RGS6: variants seen among roughly 807,000 people sequenced by gnomAD.
The protein encoded by RGS6 is regulator of G protein signaling 6.
A neutral mutation model predicts 78.5 loss-of-function variants in RGS6; 30 were observed. The observed-to-expected ratio is 0.38, with a 90% CI of 0.29 to 0.52. The LOEUF (loss-of-function observed/expected upper bound fraction) is 0.52. RGS6 is among the 20% of genes least tolerant of loss of function. RGS6 has a pLI of 0.85. For synonymous variants in RGS6, 206 were observed against 206.0 expected (o/e 1.00, Z 0.00); for missense variants, 495 against 609.7 (o/e 0.81, Z 1.98).
At chr14:71,868,896 T>C in the RGS6 span, among the ~76,000 whole-genome samples, 5 of 152,194 alleles carry the variant, frequency 3.3e-5, no homozygotes, top group Admixed American at 1.3e-4. Flanking sequence ...TGGAAGTTCA[T>C]GCCCTGTGAG....
At chr14:72,299,332 C>A (rs2065567134) in intron 2 of RGS6, among the ~76,000 whole-genome samples, 1 of 152,206 alleles carries the variant, frequency 6.6e-6, no homozygotes, top group Non-Finnish European at 1.5e-5. Context: ...GTAGATTTGC[C>A]TATTCCAGAC....
chr14:72,623,912 A>G, the RGS6 span, among the ~76,000 whole-genome samples: 2 of 152,166 alleles, frequency 1.3e-5, no homozygotes, highest in African/African-American at 4.8e-5. Context: ...GTATAAATAT[A>G]TTTACATATT....
intron 17 of RGS6, chr14:72,550,534 C>G (rs2097490229): frequency 6.5e-7 from 1 of 1,535,562 alleles, no homozygotes; most frequent in Non-Finnish European, 8.7e-7. Flanking sequence ...GGAGATGGAG[C>G]ATCCAAGACA....
intron 2 of RGS6, among the ~76,000 whole-genome samples, chr14:72,027,217 AAGAG>A (rs57652090): frequency 8.1e-5 from 12 of 149,028 alleles, no homozygotes; most frequent in East Asian, 4.0e-4. Flanking sequence ...CCTCTGCTTT[AAGAG>A]AGAGAGAGAG....
intron 2 of RGS6, among the ~76,000 whole-genome samples, chr14:72,095,389 G>A (rs569161549): frequency 8.5e-5 from 13 of 152,118 alleles, no homozygotes; most frequent in Admixed American, 3.9e-4. Flanking sequence ...AGCCTTTATC[G>A]TTGGGCTTAT....
chr14:72,166,608 G>T (rs894184537), intron 2 of RGS6, among the ~76,000 whole-genome samples: 4 of 152,200 alleles, frequency 2.6e-5, no homozygotes, highest in Non-Finnish European at 5.9e-5. Flanking sequence ...GACCAAGGAT[G>T]GAGGGAGGTT....
In RGS6 at chr14:71,932,613, G is replaced by A. The variant is rs1408145008; in HGVS notation, c.-349G>A. The A allele has an allele frequency of 6.6e-6, 1 of 152,198 alleles. No individual in the cohort carries two copies. The highest frequency in any genetic ancestry group is 1.5e-5 in the Non-Finnish European group (1 of 68,084). The allele number at this position is 152,198 out of a possible 1,614,324, so 9.4% of individuals were successfully genotyped here. On this transcript the variant is annotated 5_prime_UTR_variant, in exon 1 of 18. Transcript: ENST00000553525. The stretch of plus-strand genomic sequence containing the variant: ...GCAAGCGGCGAACGCCTGGGAGCGC[G>A]GAGAGCCAGGCCAGCCCGGAGCGCG...
At chr14:72,327,698 A>G (rs1303280360) in intron 2 of RGS6, among the ~76,000 whole-genome samples, 1 of 152,188 alleles carries the variant, frequency 6.6e-6, no homozygotes. Flanking sequence ...ATAATTATGT[A>G]TTGGCTGTGG....
chr14:72,030,980 A>AT (rs10581212), intron 2 of RGS6, among the ~76,000 whole-genome samples: 14,620 of 141,620 alleles, frequency 0.1, 817 homozygotes, highest in South Asian at 0.21. Context: ...TTTAGCAACA[A>AT]TTTTTTTTTT....
chr14:72,197,702 A>T (rs2040516471), intron 2 of RGS6, among the ~76,000 whole-genome samples: 1 of 152,184 alleles, frequency 6.6e-6, no homozygotes, highest in African/African-American at 2.4e-5. Context: ...CTCGGGGCCC[A>T]AATTTCTATT....
chr14:71,908,215 T>G, the RGS6 span: 1 of 152,204 alleles, frequency 6.6e-6, no homozygotes, highest in Non-Finnish European at 1.5e-5. Flanking sequence ...TCTGCAAAAA[T>G]TTAGGAAACA....
At chr14:72,549,494 A>T (rs1382374697) in intron 17 of RGS6, among the ~76,000 whole-genome samples, 1 of 152,210 alleles carries the variant, frequency 6.6e-6, no homozygotes, top group African/African-American at 2.4e-5. Flanking sequence ...TGTTGAAAGC[A>T]AAAAGGATCA....
intron 2 of RGS6, among the ~76,000 whole-genome samples, chr14:72,068,701 T>G (rs1301502734): frequency 1.3e-5 from 2 of 151,826 alleles, no homozygotes; most frequent in African/African-American, 4.8e-5. Flanking sequence ...TTCACCATCT[T>G]GGCTAGGCTG....
At chr14:72,555,641 G>A (rs1376300813) in intron 17 of RGS6, among the ~76,000 whole-genome samples, 1 of 152,174 alleles carries the variant, frequency 6.6e-6, no homozygotes, top group African/African-American at 2.4e-5. Flanking sequence ...GAGGGGCATG[G>A]GTCGTGAAGG....
intron 3 of RGS6, among the ~76,000 whole-genome samples, chr14:72,361,717 A>G (rs2081493461): frequency 6.6e-6 from 1 of 152,176 alleles, no homozygotes; most frequent in Non-Finnish European, 1.5e-5. Context: ...GGTGGTTGTG[A>G]GTTAAAATCT....
intron 2 of RGS6, among the ~76,000 whole-genome samples, chr14:72,032,490 A>C (rs2091053368): frequency 2.0e-5 from 3 of 152,184 alleles, no homozygotes; most frequent in Admixed American, 6.5e-5. Flanking sequence ...AAGTTACCAT[A>C]GTAACCATTT....
At chr14:72,458,413 T>C (rs978006070) in intron 5 of RGS6, 36 bp downstream of exon 5, 1 of 1,444,544 alleles carries the variant, frequency 6.9e-7, no homozygotes, top group African/African-American at 1.4e-5. Context: ...AAGAACCTTT[T>C]CTTCACAACA....
At chr14:72,263,622 T>C (rs539027980) in intron 2 of RGS6, among the ~76,000 whole-genome samples, 15 of 152,212 alleles carry the variant, frequency 9.9e-5, no homozygotes, top group Non-Finnish European at 2.2e-4. Flanking sequence ...GCCCTCATGA[T>C]TGGGATTAGT....
chr14:72,044,102 C>T (rs1194493545), intron 2 of RGS6, among the ~76,000 whole-genome samples: 4 of 152,184 alleles, frequency 2.6e-5, no homozygotes, highest in African/African-American at 7.2e-5. Context: ...ATGAGCCCAT[C>T]AAAAACATTC....
Sources: gnomAD v4.1 joint callset for allele counts (sites outside exome capture counted in the v4.1 genomes callset) on GRCh38, gnomAD v4.1.1 for gene constraint, MANE v1.5 for transcripts, NCBI Gene and HGNC (gene_info 2026-07-23, HGNC 2026-07-21) for gene names.